Variants in HPSE2 observed in about 807,000 individuals in gnomAD.
HPSE2 encodes the protein heparanase 2 (inactive), also known as inactive heparanase-2.
In HPSE2, 38 loss-of-function variants were observed where a neutral mutation model predicts 60.5. The observed-to-expected ratio is 0.63, with a 90% CI of 0.48 to 0.82. HPSE2 has a LOEUF of 0.82. Ranked by LOEUF, HPSE2 falls within the 40% of genes least tolerant of loss-of-function variation. HPSE2 has a pLI of 0.00. For missense variants in HPSE2, 713 were observed against 740.4 expected (o/e 0.96, Z 0.43); for synonymous variants, 295 against 293.2 (o/e 1.01, Z -0.06).
intron 9 of HPSE2, among the ~76,000 whole-genome samples, chr10:98,527,446 T>C (rs1259859220): frequency 6.6e-6 from 1 of 152,162 alleles, no homozygotes; most frequent in Non-Finnish European, 1.5e-5. Context: ...CTCTGTTCTT[T>C]GAACCCTCTG....
intron 9 of HPSE2, among the ~76,000 whole-genome samples, chr10:98,607,035 GCTTTC>G (rs1945610010): frequency 6.7e-6 from 1 of 150,130 alleles, no homozygotes; most frequent in African/African-American, 2.5e-5. Flanking sequence ...TCCTCTTCCT[GCTTTC>G]CTTTCTTTTT....
At chr10:99,175,164 G>A (rs1310143491) in intron 2 of HPSE2, among the ~76,000 whole-genome samples, 1 of 152,182 alleles carries the variant, frequency 6.6e-6, no homozygotes, top group Non-Finnish European at 1.5e-5. Context: ...AGGGCCCTGG[G>A]TTTCAGGCAC....
At position 98,470,049 on chromosome 10, in the gene HPSE2, A is replaced by C. The variant is rs115277499; in HGVS notation, c.1614-10310T>G. On this transcript the variant is annotated intron_variant, in intron 11 of 11. Coordinates refer to ENST00000370552, the MANE Select transcript of HPSE2 (RefSeq NM_021828.5). ...CTGGAGGAGAGAATGTGGGGCTACAAAGCATCCCCTTTACAGCAGTCTACA... is the reference window on the plus strand; with the variant it reads ...CTGGAGGAGAGAATGTGGGGCTACACAGCATCCCCTTTACAGCAGTCTACA... 1.8e-3 allele frequency among the ~76,000 whole-genome samples: 274 copies of C among 152,176 alleles called. 1 individual carries two copies. The highest frequency in any genetic ancestry group is 6.2e-3 in the African/African-American group (258 of 41,492).
intron 7 of HPSE2, among the ~76,000 whole-genome samples, chr10:98,630,403 T>A (rs1278712757): frequency 6.6e-6 from 1 of 152,074 alleles, no homozygotes; most frequent in East Asian, 1.9e-4. Context: ...TTCACCATGT[T>A]AGCCAAGATG....
At chr10:98,710,104 G>A (rs1020252400) in intron 5 of HPSE2, among the ~76,000 whole-genome samples, 13 of 152,178 alleles carry the variant, frequency 8.5e-5, no homozygotes, top group African/African-American at 2.4e-4. Context: ...AGTAAACCAG[G>A]CTGAACTCTA....
intron 9 of HPSE2, among the ~76,000 whole-genome samples, chr10:98,607,697 A>G (rs893073675): frequency 6.6e-6 from 1 of 152,214 alleles, no homozygotes; most frequent in Non-Finnish European, 1.5e-5. Flanking sequence ...AGAAAATTAT[A>G]AAAAGTTAAA....
intron 6 of HPSE2, among the ~76,000 whole-genome samples, chr10:98,674,614 A>C (rs1947588428): frequency 6.6e-6 from 1 of 152,234 alleles, no homozygotes; most frequent in Non-Finnish European, 1.5e-5. Flanking sequence ...AAAAGTCAAA[A>C]ATATATAGAG....
In HPSE2 at chr10:98,862,405, A is replaced by C. The variant is rs146332291; in HGVS notation, c.611-118349T>G. 1.8e-4 allele frequency among the ~76,000 whole-genome samples: 28 copies of C among 152,310 alleles called. 1 individual carries two copies. Among genetic ancestry groups the C allele is most frequent in the Admixed American group, 5.2e-4 (8 of 15,296 alleles). On this transcript the variant is annotated intron_variant, in intron 3 of 11. Coordinates refer to ENST00000370552, the MANE Select transcript of HPSE2 (RefSeq NM_021828.5). Reference sequence around the variant, plus strand: ...TGAAGTCCTGACACTTCCACTTATTAGATTTTAACTTGATATTTAATCTCT... The same window carrying C: ...TGAAGTCCTGACACTTCCACTTATTCGATTTTAACTTGATATTTAATCTCT...
intron 9 of HPSE2, among the ~76,000 whole-genome samples, chr10:98,507,285 A>G (rs1942234049): frequency 6.6e-6 from 1 of 152,214 alleles, no homozygotes; most frequent in Admixed American, 6.5e-5. Flanking sequence ...CTTTAAAAGT[A>G]ACATATAGGC....
intron 3 of HPSE2, among the ~76,000 whole-genome samples, chr10:99,100,326 C>T (rs951925640): frequency 6.6e-6 from 1 of 152,154 alleles, no homozygotes; most frequent in African/African-American, 2.4e-5. Flanking sequence ...AACCATGGCA[C>T]AAGAACTACA....
intron 9 of HPSE2, among the ~76,000 whole-genome samples, chr10:98,605,578 G>A (rs1306202800): frequency 6.6e-6 from 1 of 150,492 alleles, no homozygotes; most frequent in Non-Finnish European, 1.5e-5. Context: ...GGATGGTTGG[G>A]CCAGTGACAG....
intron 5 of HPSE2, among the ~76,000 whole-genome samples, chr10:98,714,725 A>C (rs1471158223): frequency 6.6e-6 from 1 of 151,924 alleles, no homozygotes; most frequent in Non-Finnish European, 1.5e-5. Context: ...GCCTTATGTT[A>C]ATTACATTTA....
the HPSE2 span, among the ~76,000 whole-genome samples, chr10:99,305,961 ACGCGCGCGCG>A: frequency 2.4e-4 from 25 of 103,064 alleles, no homozygotes; most frequent in African/African-American, 7.0e-4. Context: ...ACTCACACAC[ACGCGCGCGCG>A]CGCGCGCGCA....
At chr10:98,689,209 GAACTCTA>G (rs1168089635) in intron 6 of HPSE2, among the ~76,000 whole-genome samples, 3 of 152,004 alleles carry the variant, frequency 2.0e-5, no homozygotes, top group Non-Finnish European at 1.5e-5. Context: ...CTGTTCGTCT[GAACTCTA>G]ATTGTGCATA....
chr10:98,569,126 C>T (rs925195471), intron 9 of HPSE2, among the ~76,000 whole-genome samples: 4 of 148,976 alleles, frequency 2.7e-5, no homozygotes, highest in Non-Finnish European at 5.9e-5. Flanking sequence ...TGCAATGGCT[C>T]GATCTCAGGT....
intron 4 of HPSE2, among the ~76,000 whole-genome samples, chr10:98,729,558 G>A (rs576230814): frequency 5.9e-5 from 9 of 151,986 alleles, no homozygotes; most frequent in South Asian, 2.1e-4. Context: ...GCGGTGAGCC[G>A]AGATCACGCC....
chr10:98,608,469 C>T (rs754611728), intron 9 of HPSE2, among the ~76,000 whole-genome samples: 2 of 152,166 alleles, frequency 1.3e-5, no homozygotes, highest in Non-Finnish European at 2.9e-5. Context: ...GGAACGTCTA[C>T]GTGAAAGCAT....
chr10:98,942,349 T>G (rs1474947081), intron 3 of HPSE2, among the ~76,000 whole-genome samples: 2 of 143,718 alleles, frequency 1.4e-5, no homozygotes, highest in Non-Finnish European at 3.0e-5. Flanking sequence ...AGGGCTAATA[T>G]CCAGAATCTA....
At chr10:99,100,930 A>C (rs1020746410) in intron 3 of HPSE2, among the ~76,000 whole-genome samples, 1 of 152,182 alleles carries the variant, frequency 6.6e-6, no homozygotes, top group African/African-American at 2.4e-5. Context: ...TACTTTACAC[A>C]CAAGCAAAGG....
Sources: allele counts gnomAD v4.1 joint callset (sites outside exome capture counted in the v4.1 genomes callset), GRCh38; gene constraint gnomAD v4.1.1; transcripts MANE v1.5; gene names NCBI Gene and HGNC (gene_info 2026-07-23, HGNC 2026-07-21).